The following NRG3 variants were observed in gnomAD, a reference collection of about 807,000 sequenced individuals.
NRG3 encodes the protein pro-neuregulin-3, membrane-bound isoform.
NRG3 carries 31 observed loss-of-function variants against 66.9 expected under a neutral mutation model. The observed-to-expected ratio is 0.46, with a 90% CI of 0.35 to 0.63. The LOEUF is 0.63. Ranked by LOEUF, NRG3 falls within the 20% of genes least tolerant of loss-of-function variation. The pLI is 0.00. For synonymous variants in NRG3, 393 were observed against 359.4 expected (o/e 1.09, Z -1.06); for missense variants, 910 against 878.9 (o/e 1.04, Z -0.45).
intron 1 of NRG3, among the ~76,000 whole-genome samples, chr10:81,889,874 C>A (rs186853443): frequency 6.6e-6 from 1 of 152,160 alleles, no homozygotes; most frequent in African/African-American, 2.4e-5. Flanking sequence ...AAATGAGCAT[C>A]AAATCCAAAT....
At chr10:82,047,299 C>T (rs1455235839) in intron 1 of NRG3, among the ~76,000 whole-genome samples, 2 of 151,986 alleles carry the variant, frequency 1.3e-5, no homozygotes, top group Non-Finnish European at 2.9e-5. Context: ...ACATGATTGT[C>T]AGATTCACCA....
In NRG3 at chr10:82,684,160, G is replaced by T. The variant is rs74145325; in HGVS notation, c.954-54417G>T. On this transcript the variant is annotated intron_variant, in intron 2 of 8. Coordinates refer to ENST00000372141, the MANE Select transcript of NRG3 (RefSeq NM_001010848.4). ...GATACATTTTAATAATACAGATACG[G>T]AGATTAAAGCAGGAGGATTGAGAAA... Among the ~76,000 whole-genome samples, 492 of 152,316 alleles carry T rather than the reference G, an allele frequency of 3.2e-3. 4 individuals are homozygous for T. The highest frequency in any genetic ancestry group is 0.012 in the African/African-American group (481 of 41,572).
At position 81,876,294 on chromosome 10, in the gene NRG3, G is replaced by A; in HGVS notation, c.823+131G>A. 5 of 1,328,986 alleles carry A rather than the reference G, an allele frequency of 3.8e-6. No homozygotes were observed. In the Admixed American group the frequency reaches 7.7e-5, roughly 20 times the overall value. 82.3% of individuals were successfully genotyped at this position (1,328,986 alleles called of 1,614,324 possible). On this transcript the variant is annotated intron_variant, in intron 1 of 8. Transcript: ENST00000372141. ...ATCCCAGGTTTGGGGCAGAGTGAGA[G>A]CTGATTAAAACTGGCCACCAGCGGG...
At chr10:82,401,263 T>C (rs1385211783) in intron 2 of NRG3, among the ~76,000 whole-genome samples, 3 of 152,150 alleles carry the variant, frequency 2.0e-5, no homozygotes, top group African/African-American at 4.8e-5. Context: ...TGTATACATA[T>C]GCAATATAAA....
At chr10:82,286,755 C>A (rs2134521768) in intron 1 of NRG3, among the ~76,000 whole-genome samples, 1 of 152,050 alleles carries the variant, frequency 6.6e-6, no homozygotes, top group South Asian at 2.1e-4. Flanking sequence ...GCCCGGCTCA[C>A]TTTTGTATTT....
chr10:82,269,629 T>C (rs1469514123), intron 1 of NRG3, among the ~76,000 whole-genome samples: 1 of 152,138 alleles, frequency 6.6e-6, no homozygotes, highest in African/African-American at 2.4e-5. Flanking sequence ...ACTAACTTCA[T>C]CATCTATGCA....
At chr10:82,357,329 AG>A (rs1236758844) in intron 1 of NRG3, among the ~76,000 whole-genome samples, 8 of 152,218 alleles carry the variant, frequency 5.3e-5, no homozygotes, top group African/African-American at 1.9e-4. Context: ...TGGGAGAGAC[AG>A]GGGTGAGTTT....
chr10:82,219,698 C>G (rs934050237), intron 1 of NRG3, among the ~76,000 whole-genome samples: 3 of 152,024 alleles, frequency 2.0e-5, no homozygotes, highest in African/African-American at 7.2e-5. Context: ...TTTCTAGATG[C>G]CTTATCTCGC....
intron 1 of NRG3, among the ~76,000 whole-genome samples, chr10:82,084,698 C>T (rs980879466): frequency 3.3e-5 from 5 of 152,054 alleles, no homozygotes; most frequent in African/African-American, 9.7e-5. Context: ...TCTTAGCTGT[C>T]ACTGTCAAAT....
intron 2 of NRG3, among the ~76,000 whole-genome samples, chr10:82,586,934 T>TTATTTCATG (rs1400086299): frequency 3.3e-5 from 5 of 152,126 alleles, no homozygotes; most frequent in Admixed American, 6.5e-5. Context: ...AAAAATCATG[T>TTATTTCATG]TTTTTCATGT....
At chr10:82,878,337 AG>A (rs1842014425) in intron 4 of NRG3, among the ~76,000 whole-genome samples, 1 of 152,216 alleles carries the variant, frequency 6.6e-6, no homozygotes, top group Admixed American at 6.5e-5. Flanking sequence ...GGTTTCAAGC[AG>A]GGAAGTGATG....
At chr10:82,523,891 T>A (rs1846438952) in intron 2 of NRG3, among the ~76,000 whole-genome samples, 1 of 152,150 alleles carries the variant, frequency 6.6e-6, no homozygotes, top group African/African-American at 2.4e-5. Flanking sequence ...TTTCTCTGTG[T>A]TCTCATTAGT....
At chr10:82,162,913 A>AT (rs1247892367) in intron 1 of NRG3, among the ~76,000 whole-genome samples, 1 of 152,152 alleles carries the variant, frequency 6.6e-6, no homozygotes, top group African/African-American at 2.4e-5. Context: ...TCCTCCTCTA[A>AT]TTAACAGCTA....
intron 2 of NRG3, among the ~76,000 whole-genome samples, chr10:82,672,520 C>A (rs965716913): frequency 2.0e-5 from 3 of 152,014 alleles, no homozygotes; most frequent in African/African-American, 7.3e-5. Flanking sequence ...GAGCTTTCTG[C>A]CTTCATTTAC....
chr10:82,921,941 T>C (rs1178692782), intron 4 of NRG3, among the ~76,000 whole-genome samples: 2 of 152,194 alleles, frequency 1.3e-5, no homozygotes, highest in Non-Finnish European at 2.9e-5. Context: ...TTTGAGATTC[T>C]TATTTAAAGA....
At chr10:82,294,842 C>T (rs1203676356) in intron 1 of NRG3, among the ~76,000 whole-genome samples, 1 of 152,192 alleles carries the variant, frequency 6.6e-6, no homozygotes, top group East Asian at 1.9e-4. Flanking sequence ...TCTGCAGCTA[C>T]AGACAAATCA....
intron 2 of NRG3, among the ~76,000 whole-genome samples, chr10:82,644,529 A>T (rs1273643628): frequency 6.6e-6 from 1 of 152,150 alleles, no homozygotes; most frequent in East Asian, 1.9e-4. Flanking sequence ...GATTTTATTT[A>T]ACTTACTAAT....
intron 2 of NRG3, among the ~76,000 whole-genome samples, chr10:82,544,604 C>T (rs2043764764): frequency 6.6e-6 from 1 of 152,130 alleles, no homozygotes. Context: ...CTCAGATAAG[C>T]AGGTGGTTTC....
chr10:82,522,435 G>C (rs760933202), intron 2 of NRG3, among the ~76,000 whole-genome samples: 2 of 152,032 alleles, frequency 1.3e-5, no homozygotes, highest in African/African-American at 4.8e-5. Context: ...TTCTAAGTAC[G>C]TGGTTTGTGG....
Sources: gnomAD v4.1 joint callset for allele counts (sites outside exome capture counted in the v4.1 genomes callset) on GRCh38, gnomAD v4.1.1 for gene constraint, MANE v1.5 for transcripts, NCBI Gene and HGNC (gene_info 2026-07-23, HGNC 2026-07-21) for gene names.